ANKS1B: variants seen among roughly 807,000 people sequenced by gnomAD.
The protein encoded by ANKS1B is ankyrin repeat and sterile alpha motif domain containing 1B.
ANKS1B carries 36 observed loss-of-function variants against 148.3 expected under a neutral mutation model. The ratio of observed to expected loss-of-function variants is 0.24; its 90% confidence interval spans 0.19 to 0.32. ANKS1B has a LOEUF of 0.32. Ranked by LOEUF, ANKS1B falls within the 10% of genes least tolerant of loss-of-function variation. The pLI, the probability that ANKS1B is intolerant of heterozygous loss-of-function variation, is 1.00. For synonymous variants in ANKS1B, 542 were observed against 560.8 expected (o/e 0.97, Z 0.47); for missense variants, 1,157 against 1,542.6 (o/e 0.75, Z 4.19).
intron 5 of ANKS1B, among the ~76,000 whole-genome samples, 174 bp from the exon 6 acceptor site, chr12:99,780,146 C>T (rs2064109998): frequency 6.6e-6 from 1 of 152,142 alleles, no homozygotes; most frequent in South Asian, 2.1e-4. Flanking sequence ...CACACACACA[C>T]ACTCACACAA....
At position 99,350,272 on chromosome 12, in the gene ANKS1B, C is replaced by T. The variant is rs373757894; in HGVS notation, c.1756+49359G>A. ...TCCTGAGGCCTCTCCAGCTATGCTTCCTGTACAGCCTGTGGAACCATGAGA... is the reference window on the plus strand; with the variant it reads ...TCCTGAGGCCTCTCCAGCTATGCTTTCTGTACAGCCTGTGGAACCATGAGA... On this transcript the variant is annotated intron_variant, in intron 12 of 26. Coordinates refer to ENST00000683438, the MANE Select transcript of ANKS1B (RefSeq NM_001352186.2). Among the ~76,000 whole-genome samples the T allele has an allele frequency of 4.6e-5, 7 of 152,110 alleles. No homozygotes were observed. In the East Asian group the frequency reaches 1.2e-3, roughly 25 times the overall value.
intron 17 of ANKS1B, among the ~76,000 whole-genome samples, chr12:98,996,117 TG>T (rs2099929408): frequency 1.3e-5 from 2 of 152,270 alleles, no homozygotes; most frequent in Admixed American, 1.3e-4. Flanking sequence ...AGAAGAATTT[TG>T]ACTCGGTGGG....
At chr12:98,999,905 A>T (rs2099931897) in intron 17 of ANKS1B, among the ~76,000 whole-genome samples, 1 of 152,200 alleles carries the variant, frequency 6.6e-6, no homozygotes, top group East Asian at 1.9e-4. Flanking sequence ...GAAGGAGGCT[A>T]GGTGGATATT....
intron 17 of ANKS1B, among the ~76,000 whole-genome samples, chr12:98,971,614 C>T (rs1288401427): frequency 6.6e-6 from 1 of 152,176 alleles, no homozygotes; most frequent in Non-Finnish European, 1.5e-5. Flanking sequence ...ACTCACCTAA[C>T]ATTCAAATGA....
At chr12:99,805,202 G>A (rs1199504186) in intron 4 of ANKS1B, among the ~76,000 whole-genome samples, 2 of 131,026 alleles carry the variant, frequency 1.5e-5, no homozygotes, top group African/African-American at 5.8e-5. Context: ...AAAGTCTCTG[G>A]AAGATAAGAA....
At chr12:99,374,899 T>C (rs1031022242) in intron 12 of ANKS1B, among the ~76,000 whole-genome samples, 4 of 152,228 alleles carry the variant, frequency 2.6e-5, no homozygotes, top group Non-Finnish European at 5.9e-5. Flanking sequence ...AAAAATTGAC[T>C]TGGATTCTTG....
In ANKS1B at chr12:99,114,709, A is replaced by G. The variant is rs149860063; in HGVS notation, c.2527-29686T>C. Among the ~76,000 whole-genome samples, 807 of 152,130 alleles carry G rather than the reference A, an allele frequency of 5.3e-3. 8 individuals carry two copies. The highest frequency in any genetic ancestry group is 0.019 in the African/African-American group (773 of 41,488). On this transcript the variant is annotated intron_variant, in intron 15 of 26. Coordinates refer to ENST00000683438, the MANE Select transcript of ANKS1B (RefSeq NM_001352186.2). ...GGAGGTTGCAGTGAGCCGAGACCGT[A>G]CCACTGTACTCCAGCCTTGGTGACA...
intron 14 of ANKS1B, among the ~76,000 whole-genome samples, chr12:99,208,964 T>C (rs528346460): frequency 1.8e-4 from 27 of 152,324 alleles, no homozygotes; most frequent in South Asian, 4.1e-4. Context: ...GTGAGGATTC[T>C]TGTTTTTATG....
At chr12:99,207,060 A>G (rs1375184788) in intron 14 of ANKS1B, among the ~76,000 whole-genome samples, 2 of 152,144 alleles carry the variant, frequency 1.3e-5, no homozygotes, top group Non-Finnish European at 2.9e-5. Context: ...TCCTGTGACA[A>G]ATGTTAATCT....
intron 17 of ANKS1B, among the ~76,000 whole-genome samples, chr12:98,982,671 C>T (rs2099913118): frequency 6.6e-6 from 1 of 152,178 alleles, no homozygotes; most frequent in African/African-American, 2.4e-5. Flanking sequence ...TATCCTTCTT[C>T]AATTTTTCAT....
At chr12:99,103,899 ATACT>A (rs942975452) in intron 15 of ANKS1B, among the ~76,000 whole-genome samples, 1 of 152,188 alleles carries the variant, frequency 6.6e-6, no homozygotes, top group Non-Finnish European at 1.5e-5. Context: ...ATTTAATCTA[ATACT>A]TACTATATAC....
At chr12:99,432,389 G>A (rs748780610) in intron 11 of ANKS1B, among the ~76,000 whole-genome samples, 1 of 152,094 alleles carries the variant, frequency 6.6e-6, no homozygotes, top group Non-Finnish European at 1.5e-5. Flanking sequence ...AATTCAGGTG[G>A]TACTTATTGA....
At chr12:99,313,742 A>C (rs944719225) in intron 12 of ANKS1B, among the ~76,000 whole-genome samples, 3 of 152,218 alleles carry the variant, frequency 2.0e-5, no homozygotes, top group African/African-American at 7.2e-5. Context: ...AACTCTCAAT[A>C]AACTAGGTAT....
At chr12:99,564,007 T>C (rs967767437) in intron 9 of ANKS1B, among the ~76,000 whole-genome samples, 6 of 152,190 alleles carry the variant, frequency 3.9e-5, no homozygotes, top group Non-Finnish European at 5.9e-5. Context: ...TTTTATAGTT[T>C]TCTAGATATG....
At chr12:99,349,886 C>A (rs531698054) in intron 12 of ANKS1B, among the ~76,000 whole-genome samples, 1 of 152,112 alleles carries the variant, frequency 6.6e-6, no homozygotes, top group East Asian at 1.9e-4. Context: ...GGATATACAA[C>A]ACTGTGAATA....
At chr12:99,888,485 C>G (rs978749521) in intron 1 of ANKS1B, among the ~76,000 whole-genome samples, 11 of 152,144 alleles carry the variant, frequency 7.2e-5, no homozygotes, top group Non-Finnish European at 1.5e-4. Context: ...ACAGACAGAA[C>G]AGAAAACAAG....
chr12:99,912,925 ATTAG>A (rs1222114841), intron 1 of ANKS1B, among the ~76,000 whole-genome samples: 1 of 152,178 alleles, frequency 6.6e-6, no homozygotes, highest in Non-Finnish European at 1.5e-5. Flanking sequence ...AAGAAATTAA[ATTAG>A]TTAGGCATGG....
chr12:99,507,519 T>G (rs1034793297), intron 9 of ANKS1B, among the ~76,000 whole-genome samples: 5 of 151,896 alleles, frequency 3.3e-5, no homozygotes, highest in South Asian at 2.1e-4. Flanking sequence ...CCTCCCAGAC[T>G]GTTTCACTCT....
chr12:99,871,518 T>G (rs1365162159), intron 1 of ANKS1B, among the ~76,000 whole-genome samples: 1 of 152,094 alleles, frequency 6.6e-6, no homozygotes, highest in Non-Finnish European at 1.5e-5. Flanking sequence ...GCCATTTTAA[T>G]AATATTGATT....
Sources: allele counts gnomAD v4.1 joint callset (sites outside exome capture counted in the v4.1 genomes callset), GRCh38; gene constraint gnomAD v4.1.1; transcripts MANE v1.5; gene names NCBI Gene and HGNC (gene_info 2026-07-23, HGNC 2026-07-21).